Variants in LARP4 observed in about 807,000 individuals in gnomAD.
LARP4 encodes la-related protein 4.
In LARP4, 29 loss-of-function variants were observed where a neutral mutation model predicts 92.9. The ratio of observed to expected loss-of-function variants is 0.31; its 90% CI spans 0.23 to 0.43. The LOEUF is 0.43. Ranked by LOEUF, LARP4 falls within the 20% of genes least tolerant of loss-of-function variation. LARP4 has a pLI of 1.00. For synonymous variants in LARP4, 279 were observed against 284.1 expected, an observed-to-expected ratio of 0.98 and a Z score of 0.18; for missense variants, 732 against 860.0, an observed-to-expected ratio of 0.85 and a Z score of 1.86.
chr12:50,441,169 C>T lies in LARP4; in HGVS notation c.751-421C>T, dbSNP rs1951152387. ...AAGTGCTGGGATTACAGGCATGAGC[C>T]ACTGCACCCGGTGATGGTTTTATTC... On this transcript the variant is annotated intron_variant, in intron 7 of 15. Coordinates refer to ENST00000398473, the MANE Select transcript of LARP4 (RefSeq NM_052879.5). The T allele has an allele frequency of 5.0e-5, 8 of 160,820 alleles. No homozygotes were observed. In the South Asian group the frequency reaches 1.5e-3, roughly 29 times the overall value. 10.0% of individuals were successfully genotyped at this position (160,820 alleles called of 1,614,324 possible). A position where few individuals can be genotyped will look rare whatever the true frequency, so the allele number is the denominator to read the frequency against.
At chr12:50,455,039 G>C (rs780757289) in intron 10 of LARP4, 2 of 152,160 alleles carry the variant, frequency 1.3e-5, no homozygotes, top group Non-Finnish European at 2.9e-5. Context: ...GTAATTGGTA[G>C]AGCTAAGATT....
At chr12:50,422,874 A>G (rs1948065081) in intron 1 of LARP4, among the ~76,000 whole-genome samples, 1 of 150,544 alleles carries the variant, frequency 6.6e-6, no homozygotes, top group African/African-American at 2.4e-5. Flanking sequence ...CTGGAGTGCC[A>G]TGGGGCAGTG....
At chr12:50,468,512 T>TGGTCTC (rs1428705240) in intron 13 of LARP4, among the ~76,000 whole-genome samples, 1 of 151,510 alleles carries the variant, frequency 6.6e-6, no homozygotes, top group Non-Finnish European at 1.5e-5. Context: ...TTAGCCAGGA[T>TGGTCTC]GGTCTCGATC....
Position 50,462,589 on chromosome 12 carries a change from C to A in LARP4, c.1342C>A (p.Leu448Ile). 2.2e-6 allele frequency: 2 copies of A among 896,474 alleles called. No homozygotes were observed. Among genetic ancestry groups the A allele is most frequent in the Non-Finnish European group, 1.6e-6 (1 of 616,776 alleles). 55.5% of individuals were successfully genotyped at this position (896,474 alleles called of 1,614,324 possible). ...CCTTTTTCTTATTAAAAGGAGAACT[C>A]TCTTCAGAGGTCGAAGACGACGAGA... is the stretch of plus-strand genomic sequence containing the variant. ...NGDYGRGRRT[L>I]FRGRRRREDD... Residue 448 changes from leucine (L) to isoleucine (I), a missense_variant, in exon 12 of 16, where the codon CTC (leucine) becomes ATC (isoleucine). Coordinates refer to ENST00000398473, the MANE Select transcript of LARP4 (RefSeq NM_052879.5).
intron 13 of LARP4, among the ~76,000 whole-genome samples, chr12:50,470,803 A>T (rs1054597777): frequency 6.6e-6 from 1 of 152,016 alleles, no homozygotes; most frequent in African/African-American, 2.4e-5. Flanking sequence ...GTATCTCCCC[A>T]CTATTTATAG....
At chr12:50,417,013 A>G (rs1258620429) in intron 1 of LARP4, among the ~76,000 whole-genome samples, 1 of 152,126 alleles carries the variant, frequency 6.6e-6, no homozygotes, top group Non-Finnish European at 1.5e-5. Flanking sequence ...GTGGATTTGA[A>G]TAGTGATTGA....
At chr12:50,459,475 A>G (rs1215241080) in intron 10 of LARP4, among the ~76,000 whole-genome samples, 1 of 152,092 alleles carries the variant, frequency 6.6e-6, no homozygotes, top group Non-Finnish European at 1.5e-5. Context: ...TAAAATGATT[A>G]CTTTTTGCCC....
At chr12:50,426,580 G>A (rs754576058) in intron 1 of LARP4, among the ~76,000 whole-genome samples, 21 of 151,922 alleles carry the variant, frequency 1.4e-4, no homozygotes, top group South Asian at 2.1e-4. Context: ...ATTCTAAAGC[G>A]TGTAAGTGAT....
At position 50,453,810 on chromosome 12, in the gene LARP4, T is replaced by G. The variant is rs12316142; in HGVS notation, c.1017+138T>G. ...TTTATTTTATTTTATTTTTTGTATT[T>G]TTCGTAGAGATGGAATTTTGCCATG... On this transcript the variant is annotated intron_variant, in intron 9 of 15. Coordinates refer to ENST00000398473, the MANE Select transcript of LARP4 (RefSeq NM_052879.5). The G allele has an allele frequency of 4.3e-4, 258 of 603,810 alleles. No homozygotes were observed. The African/African-American group carries it at 4.7e-3, about 11-fold the overall frequency. 37.4% of individuals were successfully genotyped at this position (603,810 alleles called of 1,614,324 possible). A position where few individuals can be genotyped will look rare whatever the true frequency, so the allele number is the denominator to read the frequency against.
At position 50,475,888 on chromosome 12, in the gene LARP4, C is replaced by T. The variant is rs767114817; in HGVS notation, c.*24C>T. Reference sequence around the variant, plus strand: ...AAAAAACAACAAAACTATTCAAAAACTTCACTCTCTTCCCATTAAACTTGA... The same window carrying T: ...AAAAAACAACAAAACTATTCAAAAATTTCACTCTCTTCCCATTAAACTTGA... On this transcript the variant is annotated 3_prime_UTR_variant, in exon 16 of 16. Transcript: ENST00000398473. The T allele has an allele frequency of 1.8e-4, 292 of 1,587,490 alleles. No homozygotes were observed. Among genetic ancestry groups the T allele is most frequent in the Non-Finnish European group, 2.4e-4 (276 of 1,160,322 alleles).
chr12:50,432,933 A>G (rs976766916), intron 4 of LARP4, among the ~76,000 whole-genome samples: 20 of 151,014 alleles, frequency 1.3e-4, no homozygotes, highest in African/African-American at 4.6e-4. Context: ...TTTTGCTTGC[A>G]CTGGGACTTA....
intron 12 of LARP4, among the ~76,000 whole-genome samples, chr12:50,465,467 G>A (rs1462236219): frequency 1.3e-5 from 2 of 152,010 alleles, no homozygotes; most frequent in East Asian, 3.9e-4. Context: ...TAAAGAAACA[G>A]GCATGACTTC....
Position 50,474,542 on chromosome 12 carries a change from T to C in LARP4, c.1836+375T>C, listed in dbSNP as rs556736941. On this transcript the variant is annotated intron_variant, in intron 15 of 15. Coordinates refer to ENST00000398473, the MANE Select transcript of LARP4 (RefSeq NM_052879.5). ...TTTTGTATTTTTAGTAGAGACGGGG[T>C]TTCACTGTGTTAGCCAGGATGGTCT... 6.6e-4 allele frequency among the ~76,000 whole-genome samples: 100 copies of C among 152,198 alleles called. No individual in the cohort carries two copies. The South Asian group carries it at 7.1e-3, about 11-fold the overall frequency.
intron 2 of LARP4, 84 bp downstream of exon 2, chr12:50,427,993 CTTTTTTTTT>C: frequency 3.3e-6 from 1 of 305,832 alleles, no homozygotes; most frequent in Non-Finnish European, 5.3e-6. Flanking sequence ...AGACACATCT[CTTTTTTTTT>C]TTTTTTTTTT....
At chr12:50,468,223 C>T (rs1956422036) in intron 13 of LARP4, among the ~76,000 whole-genome samples, 1 of 152,196 alleles carries the variant, frequency 6.6e-6, no homozygotes, top group Non-Finnish European at 1.5e-5. Context: ...TGCGATCCGC[C>T]CACCTCGGCC....
chr12:50,450,838 G>T (rs1237730635), intron 8 of LARP4, among the ~76,000 whole-genome samples: 1 of 152,004 alleles, frequency 6.6e-6, no homozygotes, highest in African/African-American at 2.4e-5. Context: ...ACTTAATAGT[G>T]TATTCTGGAA....
At position 50,476,912 on chromosome 12, in the gene LARP4, T is replaced by C. The variant is rs2139264940; in HGVS notation, c.*1048T>C. ...CTGTTCACACATTTAGAATTTTAGC[T>C]CCCAAGATGGTAGGGCAGACTGACC... On this transcript the variant is annotated 3_prime_UTR_variant, in exon 16 of 16. Transcript: ENST00000398473. 1 of 152,430 alleles carries C rather than the reference T, an allele frequency of 6.6e-6. No individual in the cohort carries two copies. Among genetic ancestry groups the C allele is most frequent in the Non-Finnish European group, 1.5e-5 (1 of 68,022 alleles). 9.4% of individuals were successfully genotyped at this position (152,430 alleles called of 1,614,324 possible). A position where few individuals can be genotyped will look rare whatever the true frequency, so the allele number is the denominator to read the frequency against.
chr12:50,445,150 C>G (rs146680673), intron 8 of LARP4, among the ~76,000 whole-genome samples: 3 of 152,136 alleles, frequency 2.0e-5, no homozygotes, highest in Non-Finnish European at 2.9e-5. Context: ...GCGATCCCCC[C>G]ACTAAGGCCT....
intron 13 of LARP4, among the ~76,000 whole-genome samples, chr12:50,468,251 T>G (rs927294768): frequency 3.9e-5 from 6 of 152,064 alleles, no homozygotes; most frequent in Admixed American, 2.0e-4. Context: ...GTGCTGGAAT[T>G]ACAAGCGTGA....
Sources: allele counts gnomAD v4.1 joint callset (sites outside exome capture counted in the v4.1 genomes callset), GRCh38; gene constraint gnomAD v4.1.1; transcripts MANE v1.5; gene names NCBI Gene and HGNC (gene_info 2026-07-23, HGNC 2026-07-21).